MYH2: variants seen among roughly 807,000 people sequenced by gnomAD.
MYH2 encodes myosin-2.
In MYH2, 139 loss-of-function variants were observed where a neutral mutation model predicts 228.1. The ratio of observed to expected loss-of-function variants is 0.61; its 90% CI spans 0.53 to 0.70. The LOEUF is 0.70. MYH2 is among the 30% of genes least tolerant of loss of function. The pLI is 0.00. For synonymous variants in MYH2, 796 were observed against 871.1 expected, an observed-to-expected ratio of 0.91 and a Z score of 1.52; for missense variants, 1,809 against 2,357.5, an observed-to-expected ratio of 0.77 and a Z score of 4.82.
In MYH2 at chr17:10,529,424, T is replaced by G; in HGVS notation, c.3175A>C (p.Arg1059=). Residue 1059 remains arginine (R), a synonymous_variant, in exon 25 of 40, where the codon AGG becomes CGG. Coordinates refer to ENST00000245503, the MANE Select transcript of MYH2 (RefSeq NM_017534.6). The part of the protein sequence containing the change: ...KLRMDLERAK[R]KLEGDLKLAQ... ...AACTTCAAGTCACCCTCAAGTTTCC[T>G]CTTAGCCCTTTCTAGGTCCATGCGA... 1.2e-6 allele frequency: 2 copies of G among 1,614,242 alleles called. No individual in the cohort carries two copies. The highest frequency in any genetic ancestry group is 2.2e-5 in the South Asian group (2 of 91,086).
chr17:10,536,497 A>G (rs1350080445), intron 17 of MYH2, 33 bp downstream of exon 17: 1 of 1,590,288 alleles, frequency 6.3e-7, no homozygotes, highest in African/African-American at 1.3e-5. Flanking sequence ...TCCCAAAGTA[A>G]TTGGAGAATG....
At chr17:10,540,255 C>A (rs969577158) in intron 11 of MYH2, among the ~76,000 whole-genome samples, 189 bp from the exon 12 acceptor site, 2 of 151,886 alleles carry the variant, frequency 1.3e-5, no homozygotes, top group African/African-American at 4.8e-5. Flanking sequence ...TAGGTGCATA[C>A]CCTCTGAAGA....
At position 10,525,297 on chromosome 17, in the gene MYH2, T is replaced by C; in HGVS notation, c.4589A>G (p.His1530Arg). 1 of 1,614,204 alleles carries C rather than the reference T, an allele frequency of 6.2e-7. No homozygotes were observed. Among genetic ancestry groups the C allele is most frequent in the Non-Finnish European group, 8.5e-7 (1 of 1,180,028 alleles). ...TTGTTTCTTTATTTTCTCCAGTTCA[T>C]GGATACGTTTCCCTCCTTCTGCAAT... is the stretch of plus-strand genomic sequence containing the variant. ...EQIAEGGKRI[H>R]ELEKIKKQVE... Residue 1530 changes from histidine to arginine, a missense_variant, in exon 33 of 40, where the codon CAT becomes CGT. Coordinates refer to ENST00000245503, the MANE Select transcript of MYH2 (RefSeq NM_017534.6). This position sits in a 1 kb window ranked among gnomAD's most constrained non-coding sequence, Gnocchi z 4.2.
intron 2 of MYH2, 107 bp from the exon 3 acceptor site, chr17:10,548,047 AG>A (rs1163420433): frequency 1.4e-5 from 13 of 947,310 alleles, no homozygotes; most frequent in Middle Eastern, 3.1e-4. Context: ...TCCACTAGAC[AG>A]GTCTACTGTT....
rs774579590 is a variant in MYH2, at chr17:10,525,442, G to T, written c.4537+9C>A. On this transcript the variant is annotated intron_variant, in intron 32 of 39. Coordinates refer to ENST00000245503, the MANE Select transcript of MYH2 (RefSeq NM_017534.6). The surrounding 1 kb of genome is among the most constrained non-coding windows in gnomAD (Gnocchi z 4.2). ...GTTATGAATATTATTGAATATGATA[G>T]GGACTTACGCTGTAAGTTTTTGTTC... 38 of 1,614,008 alleles carry T rather than the reference G, an allele frequency of 2.4e-5. No homozygotes were observed. The East Asian group carries it at 8.2e-4, about 35-fold the overall frequency.
chr17:10,523,850 T>G lies in MYH2; in HGVS notation c.5210A>C (p.Glu1737Ala), dbSNP rs760648896. 9 of 1,613,932 alleles carry G rather than the reference T, an allele frequency of 5.6e-6. No individual in the cohort carries two copies. The Admixed American group carries it at 1.5e-4, about 27-fold the overall frequency. ...TSLINTKKKL[E>A]TDISQMQGEM... ...TCCTTGCATTTGGGAAATATCTGTC[T>G]CCAGCTTCTTCTTGGTGTTGATCAG... Residue 1737 changes from glutamate (E) to alanine (A), a missense_variant, in exon 36 of 40, where the codon GAG becomes GCG. This residue lies in a region of MYH2 where 278 missense variants were observed against 308.5 expected (regional missense o/e 0.90). Coordinates refer to ENST00000245503, the MANE Select transcript of MYH2 (RefSeq NM_017534.6).
rs754354134 is a variant in MYH2 at position 10,524,978 on chromosome 17, C to T, written c.4750G>A (p.Glu1584Lys). The T allele has an allele frequency of 1.2e-6, 2 of 1,614,072 alleles. No individual in the cohort carries two copies. The highest frequency in any genetic ancestry group is 1.7e-6 in the Non-Finnish European group (2 of 1,180,028). The change falls in exon 34 of 40, where the codon GAA becomes AAA. Residue 1584 changes from glutamate to lysine, a missense_variant. Physicochemically the swap from Glu to Lys is moderately conservative, Grantham distance 56 (BLOSUM62 1). Coordinates refer to ENST00000245503, the MANE Select transcript of MYH2 (RefSeq NM_017534.6). The surrounding 1 kb of genome is among the most constrained non-coding windows in gnomAD (Gnocchi z 4.7). ...AGCTGGTCAATTTCCTCATCTTTTT[C>T]AGCAATTTTCCTATCAACCTCAGAC... is the stretch of plus-strand genomic sequence containing the variant. Reference protein sequence around the residue: ...VKSEVDRKIAEKDEEIDQLKR... With the variant: ...VKSEVDRKIAKKDEEIDQLKR...
At position 10,544,178 on chromosome 17, in the gene MYH2, A is replaced by G. The variant is rs1224665061; in HGVS notation, c.506-51T>C. On this transcript the variant is annotated intron_variant, in intron 5 of 39. Transcript: ENST00000245503. ...ATACTGTTTTCTTACATATTTGTAA[A>G]TGATAAGTAAAGTAAAATGGAATGA... 1.9e-6 allele frequency: 3 copies of G among 1,591,208 alleles called. No homozygotes were observed. The African/African-American group carries it at 4.0e-5, about 21-fold the overall frequency.
At chr17:10,521,470 G>T (rs2073284016) in intron 39 of MYH2, 38 bp from the exon 40 acceptor site, 4 of 1,605,858 alleles carry the variant, frequency 2.5e-6, no homozygotes, top group East Asian at 2.2e-5. Flanking sequence ...ACTCATACTT[G>T]CATCTTTCTA....
chr17:10,525,686 G>C lies in MYH2; in HGVS notation c.4371+7C>G, dbSNP rs760766566. ...GAGTAAAGAGCAGAAGATGCTGGAG[G>C]AATTACCTTATCGAAGTTCCTTTGC... On this transcript the variant is annotated splice_region_variant and intron_variant, in intron 31 of 39. Coordinates refer to ENST00000245503, the MANE Select transcript of MYH2 (RefSeq NM_017534.6). The surrounding 1 kb of genome is among the most constrained non-coding windows in gnomAD (Gnocchi z 4.2). 1.2e-6 allele frequency: 2 copies of C among 1,614,156 alleles called. No homozygotes were observed. Among genetic ancestry groups the C allele is most frequent in the South Asian group, 1.1e-5 (1 of 91,076 alleles).
chr17:10,547,448 T>A, intron 4 of MYH2, 27 bp downstream of exon 4: 1 of 1,613,708 alleles, frequency 6.2e-7, no homozygotes, highest in Non-Finnish European at 8.5e-7. Flanking sequence ...AGGATGATTA[T>A]ACAGAGCACT....
At chr17:10,544,075 T>C (rs1447004452) in intron 6 of MYH2, 25 bp downstream of exon 6, 1 of 1,614,088 alleles carries the variant, frequency 6.2e-7, no homozygotes. Flanking sequence ...CACAGCCATG[T>C]AAAGAAAGCA....
chr17:10,528,934 A>G lies in MYH2; in HGVS notation c.3500T>C (p.Ile1167Thr). Reference protein sequence around the residue: ...EEAGGATSAQIEMNKKREAEF... With the variant: ...EEAGGATSAQTEMNKKREAEF... Reference sequence around the variant, plus strand: ...AGCCTCCCGCTTCTTGTTCATCTCAATCTGGGCTGAAGTGGCCCCACCGGC... The same window carrying G: ...AGCCTCCCGCTTCTTGTTCATCTCAGTCTGGGCTGAAGTGGCCCCACCGGC... Residue 1167 changes from isoleucine (I) to threonine (T), a missense_variant, in exon 27 of 40, where the codon ATT becomes ACT. Physicochemically the swap from Ile to Thr is moderately conservative, Grantham distance 89. Transcript: ENST00000245503. 1 of 1,613,910 alleles carries G rather than the reference A, an allele frequency of 6.2e-7. No homozygotes were observed. The highest frequency in any genetic ancestry group is 1.3e-5 in the African/African-American group (1 of 74,954).
At chr17:10,535,598 G>A (rs574465802) in intron 17 of MYH2, among the ~76,000 whole-genome samples, 1 of 152,292 alleles carries the variant, frequency 6.6e-6, no homozygotes, top group Admixed American at 6.5e-5. Context: ...CCTGGCATGT[G>A]CTTCTTTTCA....
Position 10,524,682 on chromosome 17 carries a change from C to T in MYH2, c.4972-13G>A. On this transcript the variant is annotated splice_polypyrimidine_tract_variant and intron_variant, in intron 34 of 39. Transcript: ENST00000245503. This position sits in a 1 kb window ranked among gnomAD's most constrained non-coding sequence, Gnocchi z 4.7. ...GGATCTGGGTATCCTGTGAAACAAA[C>T]CATCATTGAGACATCATGTTCTCAG... 2 of 1,614,218 alleles carry T rather than the reference C, an allele frequency of 1.2e-6. No individual in the cohort carries two copies. Among genetic ancestry groups the T allele is most frequent in the Non-Finnish European group, 8.5e-7 (1 of 1,180,032 alleles).
At position 10,546,854 on chromosome 17, in the gene MYH2, C is replaced by T. The variant is rs1022585514; in HGVS notation, c.348+621G>A. ...CAGCACTTTGGGAGGCCAAGGCAGGCGGATCATTTGAGCCCAGGAGTTCGA... is the reference window on the plus strand; with the variant it reads ...CAGCACTTTGGGAGGCCAAGGCAGGTGGATCATTTGAGCCCAGGAGTTCGA... On this transcript the variant is annotated intron_variant, in intron 4 of 39. Coordinates refer to ENST00000245503, the MANE Select transcript of MYH2 (RefSeq NM_017534.6). Among the ~76,000 whole-genome samples the T allele has an allele frequency of 5.3e-5, 8 of 150,772 alleles. No individual in the cohort carries two copies. In the South Asian group the frequency reaches 6.3e-4, roughly 12 times the overall value.
chr17:10,527,624 G>T, intron 28 of MYH2, 124 bp downstream of exon 28: 1 of 1,476,620 alleles, frequency 6.8e-7, no homozygotes, highest in Non-Finnish European at 9.4e-7. Context: ...TCAGGTGTCT[G>T]AGCTGTTCAG....
At chr17:10,541,955 C>G (rs985120225) in intron 10 of MYH2, among the ~76,000 whole-genome samples, 1 of 152,094 alleles carries the variant, frequency 6.6e-6, no homozygotes, top group African/African-American at 2.4e-5. Flanking sequence ...AAGTTGATGT[C>G]ATGGTGCTCT....
rs895972095 is a variant in MYH2 at position 10,539,261 on chromosome 17, G to T, written c.1360C>A (p.Gln454Lys). The change falls in exon 14 of 40, where the codon CAG becomes AAG. Residue 454 changes from glutamine (Q) to lysine (K), a missense_variant. Physicochemically the swap from Gln to Lys is moderately conservative, Grantham distance 53 (BLOSUM62 1). This residue lies in a region of MYH2 where 373 missense variants were observed against 620.4 expected (regional missense o/e 0.60). Coordinates refer to ENST00000245503, the MANE Select transcript of MYH2 (RefSeq NM_017534.6). ...ARINQQLDTK[Q>K]PRQYFIGVLD... ...ACCCCGATGAAGTACTGCCTGGGCT[G>T]CTTGGTGTCCAGCTGCTGGTTGATG... is the stretch of plus-strand genomic sequence containing the variant. 5.0e-6 allele frequency: 8 copies of T among 1,614,086 alleles called. No homozygotes were observed. Among genetic ancestry groups the T allele is most frequent in the African/African-American group, 1.3e-5 (1 of 74,934 alleles).
Sources: gnomAD v4.1 joint callset for allele counts (sites outside exome capture counted in the v4.1 genomes callset) on GRCh38, gnomAD v4.1.1 for gene constraint, gnomAD v4.1.1 regional missense constraint, Gnocchi (gnomAD v3.1) non-coding constraint, MANE v1.5 for transcripts, NCBI Gene and HGNC (gene_info 2026-07-23, HGNC 2026-07-21) for gene names.